NUDCD3: variants seen among roughly 807,000 people sequenced by gnomAD.
The protein encoded by NUDCD3 is NudC domain containing 3.
NUDCD3 carries 13 observed loss-of-function variants against 39.7 expected under a neutral mutation model. That is an observed-to-expected ratio of 0.33 (90% CI 0.21 to 0.52). The LOEUF (loss-of-function observed/expected upper bound fraction) is 0.52, where lower values mean the gene tolerates loss of function less well. Among genes scored for constraint, NUDCD3 ranks in the 20% least tolerant of loss-of-function variants. The probability of loss-of-function intolerance (pLI) is 0.96; values close to 1 mark genes in which losing one functional copy is unlikely to be tolerated. For synonymous variants in NUDCD3, 175 were observed against 172.4 expected (o/e 1.02, Z -0.12); for missense variants, 453 against 458.1 (o/e 0.99, Z 0.10).
chr7:44,402,792 C>A, intron 4 of NUDCD3: 1 of 433,608 alleles, frequency 2.3e-6, no homozygotes, highest in South Asian at 1.6e-5. Flanking sequence ...AGATGGCAAC[C>A]CCAGGATCAC....
At chr7:44,449,651 G>A (rs576521855) in intron 2 of NUDCD3, among the ~76,000 whole-genome samples, 8 of 152,090 alleles carry the variant, frequency 5.3e-5, no homozygotes, top group Non-Finnish European at 1.0e-4. Flanking sequence ...TGATGCTGGT[G>A]TAACCAGACA....
intron 2 of NUDCD3, among the ~76,000 whole-genome samples, chr7:44,445,499 C>T (rs1046589110): frequency 6.6e-6 from 1 of 152,216 alleles, no homozygotes; most frequent in Non-Finnish European, 1.5e-5. Context: ...TGACCAGGTG[C>T]TTGCCCCTTC....
chr7:44,454,197 G>T (rs1799848255), intron 2 of NUDCD3, among the ~76,000 whole-genome samples: 1 of 152,158 alleles, frequency 6.6e-6, no homozygotes, highest in South Asian at 2.1e-4. Flanking sequence ...AAATTAGCTG[G>T]GCATGGTGGC....
chr7:44,479,977 A>G (rs1800453766), intron 2 of NUDCD3, among the ~76,000 whole-genome samples: 1 of 152,234 alleles, frequency 6.6e-6, no homozygotes, highest in South Asian at 2.1e-4. Flanking sequence ...AAGTAACTGA[A>G]GCTGAGAATG....
chr7:44,456,092 G>A (rs1433741473), intron 2 of NUDCD3, among the ~76,000 whole-genome samples: 2 of 110,094 alleles, frequency 1.8e-5, no homozygotes, highest in Admixed American at 8.7e-5. Context: ...CAGAAAACAA[G>A]AAAAGAGCTT....
At chr7:44,404,966 A>G (rs1160344284) in intron 3 of NUDCD3, among the ~76,000 whole-genome samples, 1 of 152,174 alleles carries the variant, frequency 6.6e-6, no homozygotes, top group East Asian at 1.9e-4. Flanking sequence ...TGGGAGACGC[A>G]GGAGCCCAGC....
In NUDCD3 at chr7:44,490,603, C is replaced by A; in HGVS notation, c.-3G>T. ...AGCTCGGCCGCCCCTGTCTCCATGT[C>A]GCCTCCCGCCCTAGGTACGCTTCAC... On this transcript the variant is annotated 5_prime_UTR_variant, in exon 1 of 6. Transcript: ENST00000355451. 1 of 1,602,024 alleles carries A rather than the reference C, an allele frequency of 6.2e-7. No individual in the cohort carries two copies. Among genetic ancestry groups the A allele is most frequent in the Non-Finnish European group, 8.5e-7 (1 of 1,174,522 alleles).
chr7:44,386,295 G>C (rs1477874689), intron 5 of NUDCD3, among the ~76,000 whole-genome samples, 174 bp from the exon 6 acceptor site: 1 of 152,188 alleles, frequency 6.6e-6, no homozygotes, highest in East Asian at 1.9e-4. Context: ...CTTCGACCAA[G>C]GGAGGTACTG....
At chr7:44,416,931 T>TG (rs1487204930) in intron 3 of NUDCD3, among the ~76,000 whole-genome samples, 6 of 150,898 alleles carry the variant, frequency 4.0e-5, no homozygotes, top group East Asian at 1.9e-4. Context: ...ATAGGAGGAC[T>TG]GGGGGGGACA....
chr7:44,439,958 C>T (rs1336838680), intron 2 of NUDCD3, among the ~76,000 whole-genome samples: 1 of 152,198 alleles, frequency 6.6e-6, no homozygotes, highest in African/African-American at 2.4e-5. Context: ...TATCTTCCCC[C>T]AAAATATTTA....
intron 3 of NUDCD3, among the ~76,000 whole-genome samples, chr7:44,410,371 G>A (rs1051214469): frequency 1.3e-5 from 2 of 152,214 alleles, no homozygotes; most frequent in African/African-American, 4.8e-5. Context: ...AGAATTAAAA[G>A]TCTAAAAACA....
intron 4 of NUDCD3, among the ~76,000 whole-genome samples, chr7:44,400,853 T>C (rs1798708465): frequency 6.6e-6 from 1 of 152,210 alleles, no homozygotes; most frequent in Non-Finnish European, 1.5e-5. Flanking sequence ...TCCAGGGTGA[T>C]TCCATCTTGA....
At chr7:44,408,858 C>T (rs1301667298) in intron 3 of NUDCD3, among the ~76,000 whole-genome samples, 1 of 152,216 alleles carries the variant, frequency 6.6e-6, no homozygotes, top group East Asian at 1.9e-4. Flanking sequence ...GCTCTTAGAG[C>T]TCTTTCAAAG....
Position 44,490,515 on chromosome 7 carries a change from A to C in NUDCD3, c.86T>G (p.Val29Gly). ...HVGNVQDFLR[V>G]LFGFLYRKTD... ...CTTGCGGTAGAGGAAGCCAAAGAGAACGCGCAGGAAATCCTGGACGTTGCC... is the reference window on the plus strand; with the variant it reads ...CTTGCGGTAGAGGAAGCCAAAGAGACCGCGCAGGAAATCCTGGACGTTGCC... Residue 29 changes from valine (V) to glycine (G), a missense_variant, in exon 1 of 6, where the codon GTT (valine) becomes GGT (glycine). Coordinates refer to ENST00000355451, the MANE Select transcript of NUDCD3 (RefSeq NM_015332.4). 6.2e-7 allele frequency: 1 copy of C among 1,611,758 alleles called. No individual in the cohort carries two copies. The highest frequency in any genetic ancestry group is 8.5e-7 in the Non-Finnish European group (1 of 1,179,086).
chr7:44,432,323 T>C (rs543867671), intron 2 of NUDCD3, among the ~76,000 whole-genome samples: 6 of 152,266 alleles, frequency 3.9e-5, no homozygotes, highest in African/African-American at 1.2e-4. Context: ...TTCAAAAAGC[T>C]AGTGGCAAGT....
At chr7:44,433,525 G>A (rs1342402604) in intron 2 of NUDCD3, among the ~76,000 whole-genome samples, 3 of 152,102 alleles carry the variant, frequency 2.0e-5, no homozygotes, top group Non-Finnish European at 2.9e-5. Flanking sequence ...GTGTGTGTGT[G>A]CTATGTGCAT....
chr7:44,482,990 G>A (rs1046863314), intron 2 of NUDCD3, among the ~76,000 whole-genome samples: 6 of 152,056 alleles, frequency 3.9e-5, no homozygotes, highest in African/African-American at 1.4e-4. Context: ...GACACCAAAG[G>A]AGAAAAGACA....
At chr7:44,477,092 G>T (rs1800387207) in intron 2 of NUDCD3, among the ~76,000 whole-genome samples, 1 of 152,168 alleles carries the variant, frequency 6.6e-6, no homozygotes, top group Admixed American at 6.5e-5. Flanking sequence ...CAAAGCAAGA[G>T]AAAGTACTGA....
At chr7:44,402,359 T>C (rs910173969) in intron 4 of NUDCD3, among the ~76,000 whole-genome samples, 4 of 152,194 alleles carry the variant, frequency 2.6e-5, no homozygotes, top group African/African-American at 4.8e-5. Context: ...GTATTATACA[T>C]ACAAGTGTAC....
Sources: allele counts gnomAD v4.1 joint callset (sites outside exome capture counted in the v4.1 genomes callset), GRCh38; gene constraint gnomAD v4.1.1; transcripts MANE v1.5; gene names NCBI Gene and HGNC (gene_info 2026-07-23, HGNC 2026-07-21).